Variants in SDK1 observed in about 807,000 individuals in gnomAD.
SDK1 encodes sidekick cell adhesion molecule 1.
In SDK1, 157 loss-of-function variants were observed where a neutral mutation model predicts 245.5. The observed-to-expected ratio is 0.64, with a 90% CI of 0.56 to 0.73. SDK1 has a LOEUF of 0.73. Among genes scored for constraint, SDK1 ranks in the 30% least tolerant of loss-of-function variants. The probability of loss-of-function intolerance (pLI) is 0.00; values close to 1 mark genes in which losing one functional copy is unlikely to be tolerated. For missense variants in SDK1, 3,583 were observed against 3,002.3 expected (o/e 1.19, Z -4.52); for synonymous variants, 1,647 against 1,278.5 (o/e 1.29, Z -6.15).
intron 27 of SDK1, among the ~76,000 whole-genome samples, chr7:4,130,924 A>G (rs911716954): frequency 6.6e-6 from 1 of 152,070 alleles, no homozygotes; most frequent in African/African-American, 2.4e-5. Context: ...ATGAGCCCGA[A>G]AGTCCTCTTA....
At chr7:3,466,464 G>A (rs1048545148) in intron 1 of SDK1, among the ~76,000 whole-genome samples, 8 of 144,376 alleles carry the variant, frequency 5.5e-5, no homozygotes, top group East Asian at 4.1e-4. Flanking sequence ...TCTAGTATGC[G>A]TCCTAATCTC....
intron 4 of SDK1, among the ~76,000 whole-genome samples, chr7:3,775,701 C>G (rs1005007483): frequency 6.6e-6 from 1 of 151,894 alleles, no homozygotes; most frequent in Admixed American, 6.6e-5. Context: ...CTCAGCCTCC[C>G]GAGTAGCTGG....
chr7:4,178,129 G>A (rs1462672935), intron 34 of SDK1, among the ~76,000 whole-genome samples: 5 of 152,322 alleles, frequency 3.3e-5, no homozygotes, highest in East Asian at 1.9e-4. Context: ...TCACTCACCC[G>A]CTACTCACCT....
At chr7:3,956,819 A>G (rs1002862045) in intron 7 of SDK1, among the ~76,000 whole-genome samples, 1 of 152,198 alleles carries the variant, frequency 6.6e-6, no homozygotes, top group Non-Finnish European at 1.5e-5. Flanking sequence ...GGAGGTCCCC[A>G]GAGCCATGCA....
chr7:3,586,287 C>G (rs1378605894), intron 1 of SDK1, among the ~76,000 whole-genome samples: 5 of 152,024 alleles, frequency 3.3e-5, no homozygotes, highest in Admixed American at 2.6e-4. Flanking sequence ...AGAGCCCGCC[C>G]TAGGCCAGGA....
chr7:4,211,451 T>A (rs553686347), intron 38 of SDK1, among the ~76,000 whole-genome samples: 23 of 151,812 alleles, frequency 1.5e-4, no homozygotes, highest in Middle Eastern at 3.4e-3. Context: ...GGAGGAGGGC[T>A]CAGATCAGGG....
chr7:3,821,359 A>G (rs1255672962), intron 4 of SDK1, 91 bp from the exon 5 acceptor site: 6 of 1,404,668 alleles, frequency 4.3e-6, no homozygotes, highest in South Asian at 2.8e-5. Context: ...AACTCTAGGC[A>G]TTCCTTTATA....
At chr7:3,938,747 T>A (rs1336637696) in intron 5 of SDK1, among the ~76,000 whole-genome samples, 1 of 152,114 alleles carries the variant, frequency 6.6e-6, no homozygotes, top group East Asian at 1.9e-4. Context: ...TCCTAAATCA[T>A]GCAGGTCCAA....
At position 4,033,848 on chromosome 7, in the gene SDK1, A is replaced by T. The variant is rs114620168; in HGVS notation, c.2603-15500A>T. Among the ~76,000 whole-genome samples, 952 of 152,302 alleles carry T rather than the reference A, an allele frequency of 6.3e-3. 7 individuals carry two copies. The highest frequency in any genetic ancestry group is 0.02 in the African/African-American group (831 of 41,566). On this transcript the variant is annotated intron_variant, in intron 17 of 44. Coordinates refer to ENST00000404826, the MANE Select transcript of SDK1 (RefSeq NM_152744.4). Reference sequence around the variant, plus strand: ...AGGCATTGCTGCTAGGAATGCAATGATACAACCCCTAATTAATTCAATCCA... The same window carrying T: ...AGGCATTGCTGCTAGGAATGCAATGTTACAACCCCTAATTAATTCAATCCA...
Position 3,301,517 on chromosome 7 carries a change from C to A in SDK1, c.-70C>A. 1 of 545,770 alleles carries A rather than the reference C, an allele frequency of 1.8e-6. No homozygotes were observed. Among genetic ancestry groups the A allele is most frequent in the Non-Finnish European group, 2.3e-6 (1 of 432,142 alleles). The allele number at this position is 545,770 out of a possible 1,614,324, so 33.8% of individuals were successfully genotyped here. A position where few individuals can be genotyped will look rare whatever the true frequency, so the allele number is the denominator to read the frequency against. ...GCCTCCCGCGGAGTGGCCGCGCCCG[C>A]TCGGAGCCGTCCCGCCTGTCCTGCC... On this transcript the variant is annotated 5_prime_UTR_variant, in exon 1 of 45. Coordinates refer to ENST00000404826, the MANE Select transcript of SDK1 (RefSeq NM_152744.4).
At chr7:3,591,910 G>T (rs1389008352) in intron 1 of SDK1, among the ~76,000 whole-genome samples, 1 of 152,238 alleles carries the variant, frequency 6.6e-6, no homozygotes, top group African/African-American at 2.4e-5. Context: ...TGAAGTTTGA[G>T]AGGACTGGGG....
At chr7:3,388,567 T>C (rs1239554390) in intron 1 of SDK1, among the ~76,000 whole-genome samples, 1 of 151,930 alleles carries the variant, frequency 6.6e-6, no homozygotes, top group African/African-American at 2.4e-5. Flanking sequence ...GTTGAATTTC[T>C]CAAATATTAA....
chr7:3,907,449 A>G (rs1235841042), intron 5 of SDK1, among the ~76,000 whole-genome samples: 1 of 152,140 alleles, frequency 6.6e-6, no homozygotes, highest in Admixed American at 6.5e-5. Flanking sequence ...TCAAAAACTC[A>G]TTGCTTTTTG....
intron 1 of SDK1, among the ~76,000 whole-genome samples, chr7:3,591,027 A>T (rs1780855180): frequency 6.6e-6 from 1 of 152,048 alleles, no homozygotes; most frequent in Non-Finnish European, 1.5e-5. Context: ...TCCCCAGGAG[A>T]TCCTAATGTG....
intron 5 of SDK1, among the ~76,000 whole-genome samples, chr7:3,937,556 G>A (rs1780204038): frequency 6.6e-6 from 1 of 152,166 alleles, no homozygotes; most frequent in East Asian, 1.9e-4. Context: ...CCATTCCAAG[G>A]TTTAAACACA....
chr7:4,033,100 A>G (rs996411797), intron 17 of SDK1, among the ~76,000 whole-genome samples: 23 of 152,222 alleles, frequency 1.5e-4, no homozygotes, highest in African/African-American at 5.1e-4. Flanking sequence ...TGGTGTGTCT[A>G]TTGGTGGATG....
At chr7:3,901,387 C>G (rs148774113) in intron 5 of SDK1, among the ~76,000 whole-genome samples, 3 of 151,986 alleles carry the variant, frequency 2.0e-5, no homozygotes, top group Non-Finnish European at 4.4e-5. Flanking sequence ...GGGGTTTCAC[C>G]GTGCTAGCCA....
At chr7:3,540,679 C>T (rs1008550323) in intron 1 of SDK1, among the ~76,000 whole-genome samples, 1 of 152,152 alleles carries the variant, frequency 6.6e-6, no homozygotes, top group South Asian at 2.1e-4. Context: ...GGGTCTGACA[C>T]AAGCATGGTG....
intron 1 of SDK1, among the ~76,000 whole-genome samples, chr7:3,525,902 G>A (rs1487064704): frequency 2.0e-5 from 3 of 151,986 alleles, no homozygotes; most frequent in African/African-American, 4.8e-5. Flanking sequence ...ATTTGGATAG[G>A]AATAGAGATT....
Sources: allele counts gnomAD v4.1 joint callset (sites outside exome capture counted in the v4.1 genomes callset), GRCh38; gene constraint gnomAD v4.1.1; transcripts MANE v1.5; gene names NCBI Gene and HGNC (gene_info 2026-07-23, HGNC 2026-07-21).